PARD3: variants seen among roughly 807,000 people sequenced by gnomAD.
PARD3 encodes the protein partitioning defective 3 homolog.
A neutral mutation model predicts 155.4 loss-of-function variants in PARD3; 75 were observed. The ratio of observed to expected loss-of-function variants is 0.48; its 90% CI spans 0.40 to 0.58. The LOEUF is 0.58. PARD3 is among the 20% of genes least tolerant of loss of function. The pLI, the probability that PARD3 is intolerant of heterozygous loss-of-function variation, is 0.00. For missense variants in PARD3, 1,642 were observed against 1,721.7 expected, an observed-to-expected ratio of 0.95 and a Z score of 0.82; for synonymous variants, 576 against 610.5, an observed-to-expected ratio of 0.94 and a Z score of 0.83.
chr10:34,413,479 C>G (rs952726446), intron 5 of PARD3, among the ~76,000 whole-genome samples: 1 of 148,178 alleles, frequency 6.7e-6, no homozygotes, highest in Non-Finnish European at 1.5e-5. Flanking sequence ...ATTTGAGAAA[C>G]CTTTTGACTA....
At chr10:34,667,814 TAA>T (rs1424813224) in intron 2 of PARD3, among the ~76,000 whole-genome samples, 1 of 152,174 alleles carries the variant, frequency 6.6e-6, no homozygotes, top group African/African-American at 2.4e-5. Context: ...AAGAAACAAA[TAA>T]TATTGTGATG....
At chr10:34,582,014 T>C (rs1391552176) in intron 2 of PARD3, among the ~76,000 whole-genome samples, 2 of 152,350 alleles carry the variant, frequency 1.3e-5, no homozygotes, top group Admixed American at 1.3e-4. Flanking sequence ...AGGAAGCTGA[T>C]ATTAACTATT....
At chr10:34,614,216 C>T (rs549397054) in intron 2 of PARD3, among the ~76,000 whole-genome samples, 4 of 152,228 alleles carry the variant, frequency 2.6e-5, no homozygotes, top group South Asian at 2.1e-4. Flanking sequence ...CCTTTTGCTC[C>T]GCTACATGGG....
At chr10:34,312,320 T>A (rs1178172729) in intron 20 of PARD3, 22 of 1,610,006 alleles carry the variant, frequency 1.4e-5, no homozygotes, top group Middle Eastern at 1.6e-4. Context: ...CAATATGTGC[T>A]GTTCAAGACA....
intron 20 of PARD3, among the ~76,000 whole-genome samples, chr10:34,293,491 A>G (rs1014778107): frequency 6.6e-6 from 1 of 152,178 alleles, no homozygotes; most frequent in Non-Finnish European, 1.5e-5. Context: ...CATACTATAT[A>G]TATACTTTAA....
chr10:34,193,685 G>A (rs1175883690), intron 22 of PARD3, among the ~76,000 whole-genome samples: 2 of 152,204 alleles, frequency 1.3e-5, no homozygotes, highest in African/African-American at 4.8e-5. Flanking sequence ...TTTCGCTTCA[G>A]TTAATTGGAT....
chr10:34,541,592 CT>C (rs2083614755), intron 2 of PARD3, among the ~76,000 whole-genome samples: 1 of 152,208 alleles, frequency 6.6e-6, no homozygotes, highest in African/African-American at 2.4e-5. Flanking sequence ...CTCAGAGAAT[CT>C]GCCTTGTGTG....
At chr10:34,747,624 C>T (rs1835473666) in intron 1 of PARD3, among the ~76,000 whole-genome samples, 1 of 152,200 alleles carries the variant, frequency 6.6e-6, no homozygotes. Flanking sequence ...GACACCCAGC[C>T]TGGCTCCCTC....
At chr10:34,547,788 G>T (rs932771589) in intron 2 of PARD3, among the ~76,000 whole-genome samples, 25 of 152,148 alleles carry the variant, frequency 1.6e-4, no homozygotes, top group African/African-American at 6.0e-4. Flanking sequence ...CATATTTCAG[G>T]CAATGATGAT....
chr10:34,349,088 A>C (rs1036317508), intron 14 of PARD3, among the ~76,000 whole-genome samples: 1 of 152,184 alleles, frequency 6.6e-6, no homozygotes, highest in African/African-American at 2.4e-5. Flanking sequence ...TGTTAGACAG[A>C]CAGGAAGGGC....
chr10:34,745,438 G>GAGAGAGAA (rs1047710679), intron 1 of PARD3, among the ~76,000 whole-genome samples: 2 of 129,126 alleles, frequency 1.5e-5, no homozygotes, highest in East Asian at 2.3e-4. Context: ...GAGGGAAAGA[G>GAGAGAGAA]AGAGGGAAAG....
chr10:34,282,622 CCT>C (rs1956210902), intron 21 of PARD3, among the ~76,000 whole-genome samples: 1 of 152,012 alleles, frequency 6.6e-6, no homozygotes, highest in Admixed American at 6.6e-5. Flanking sequence ...CTATCTATCC[CCT>C]GTGGCAGGTA....
intron 1 of PARD3, among the ~76,000 whole-genome samples, chr10:34,707,599 A>G (rs1350533449): frequency 1.3e-5 from 2 of 152,202 alleles, no homozygotes; most frequent in Admixed American, 1.3e-4. Context: ...TCTTCTATAC[A>G]CTACGTTTTA....
chr10:34,481,901 T>C (rs560146583), intron 3 of PARD3, among the ~76,000 whole-genome samples: 1 of 152,084 alleles, frequency 6.6e-6, no homozygotes, highest in South Asian at 2.1e-4. Context: ...GGTACAATCA[T>C]AGCTCACTGC....
At chr10:34,481,013 G>C (rs1463886843) in intron 3 of PARD3, among the ~76,000 whole-genome samples, 1 of 151,574 alleles carries the variant, frequency 6.6e-6, no homozygotes, top group African/African-American at 2.4e-5. Context: ...TGTTGACCAG[G>C]CTGGTCTCAA....
intron 2 of PARD3, among the ~76,000 whole-genome samples, chr10:34,622,751 C>T (rs1427775775): frequency 1.3e-5 from 2 of 151,604 alleles, no homozygotes; most frequent in East Asian, 3.9e-4. Flanking sequence ...AAATCTAAGG[C>T]CGAACAGTAA....
In PARD3 at chr10:34,271,730, G is replaced by A. The variant is rs185691877; in HGVS notation, c.3177-1831C>T. Among the ~76,000 whole-genome samples, 6 of 152,184 alleles carry A rather than the reference G, an allele frequency of 3.9e-5. No individual in the cohort carries two copies. In the East Asian group the frequency reaches 1.2e-3, roughly 29 times the overall value. On this transcript the variant is annotated intron_variant, in intron 21 of 24. Transcript: ENST00000374788. ...GAAAAGGAAATAAAAGTACACAGAT[G>A]GAAAAGGAAGAAATAAAATGCTTCT...
At chr10:34,624,996 A>G (rs557230321) in intron 2 of PARD3, among the ~76,000 whole-genome samples, 24 of 152,336 alleles carry the variant, frequency 1.6e-4, no homozygotes, top group African/African-American at 5.0e-4. Context: ...AGAGCTAAGA[A>G]AGGTGACCTC....
intron 20 of PARD3, among the ~76,000 whole-genome samples, 162 bp from the exon 21 acceptor site, chr10:34,284,407 T>C (rs1040401348): frequency 6.6e-6 from 1 of 152,222 alleles, no homozygotes; most frequent in South Asian, 2.1e-4. Flanking sequence ...GTATTTTGAA[T>C]CAGATTATTT....
Sources: gnomAD v4.1 joint callset for allele counts (sites outside exome capture counted in the v4.1 genomes callset) on GRCh38, gnomAD v4.1.1 for gene constraint, MANE v1.5 for transcripts, NCBI Gene and HGNC (gene_info 2026-07-23, HGNC 2026-07-21) for gene names.